RGS3: variants seen among roughly 807,000 people sequenced by gnomAD.
RGS3 encodes regulator of G-protein signalling 3.
In RGS3, 80 loss-of-function variants were observed where a neutral mutation model predicts 132.6. That is an observed-to-expected ratio of 0.60 (90% CI 0.50 to 0.73). The LOEUF (loss-of-function observed/expected upper bound fraction) is 0.73, where lower values mean the gene tolerates loss of function less well. RGS3 is among the 30% of genes least tolerant of loss of function. The probability of loss-of-function intolerance (pLI) is 0.00; values close to 1 mark genes in which losing one functional copy is unlikely to be tolerated. For missense variants in RGS3, 1,382 were observed against 1,530.8 expected, an observed-to-expected ratio of 0.90 and a Z score of 1.62; for synonymous variants, 598 against 620.6, an observed-to-expected ratio of 0.96 and a Z score of 0.54.
chr9:113,466,625 T>A (rs1002352002), intron 3 of RGS3, among the ~76,000 whole-genome samples: 1 of 152,084 alleles, frequency 6.6e-6, no homozygotes, highest in African/African-American at 2.4e-5. Context: ...TTGTGAAAAA[T>A]GATGTAATTT....
intron 19 of RGS3, chr9:113,581,016 GGGCCAGGGGGTGGGTCGGGGGGAGGTCT>G (rs1316155411): frequency 6.1e-6 from 6 of 981,562 alleles, no homozygotes; most frequent in Non-Finnish European, 6.0e-6. Flanking sequence ...GCAGGTGGCT[GGGCCAGGGGGTGGGTCGGGGGGAGGTCT>G]GGCCATGTGG....
Position 113,553,459 on chromosome 9 carries a change from A to AAAAAAATATATAT in RGS3, c.2037+16542_2037+16543insAAAAATATATATA, listed in dbSNP as rs1426114805. Among the ~76,000 whole-genome samples the AAAAAAATATATAT allele has an allele frequency of 6.5e-4, 38 of 58,684 alleles. 1 individual carries two copies. The highest frequency in any genetic ancestry group is 1.6e-3 in the Admixed American group (6 of 3,642). 38.5% of individuals were successfully genotyped at this position (58,684 alleles called of 152,430 possible). On this transcript the variant is annotated intron_variant, in intron 19 of 24. Transcript: ENST00000350696. Reference sequence around the variant, plus strand: ...CTCTGTTTAAAAAAAAAAAAAAAAAAATATATATATATATATATATATATA... The same window carrying AAAAAAATATATAT: ...CTCTGTTTAAAAAAAAAAAAAAAAAAAAAAAATATATATATATATATATATATATATATATATA...
chr9:113,488,941 C>T (rs1830422727), intron 7 of RGS3, among the ~76,000 whole-genome samples: 1 of 152,214 alleles, frequency 6.6e-6, no homozygotes, highest in Admixed American at 6.5e-5. Flanking sequence ...GCTCTCAAAT[C>T]AAATTGTGCC....
chr9:113,459,858 G>C (rs1331862645), upstream of RGS3, among the ~76,000 whole-genome samples: 1 of 151,976 alleles, frequency 6.6e-6, no homozygotes, highest in Non-Finnish European at 1.5e-5. Context: ...GGCTAACATG[G>C]TGAAACCACC....
chr9:113,596,642 T>C, intron 24 of RGS3, 126 bp from the exon 23 acceptor site: 1 of 740,108 alleles, frequency 1.4e-6, no homozygotes, highest in Non-Finnish European at 2.1e-6. Context: ...CTACTTCAGA[T>C]GAACCTTAAG....
chr9:113,543,835 C>T (rs1404661839), intron 19 of RGS3, among the ~76,000 whole-genome samples: 2 of 152,208 alleles, frequency 1.3e-5, no homozygotes, highest in Non-Finnish European at 2.9e-5. Context: ...ACATCAGGGT[C>T]CCAGGTCCGG....
chr9:113,452,321 A>G (rs543622133), intron 1 of RGS3, among the ~76,000 whole-genome samples: 50 of 151,908 alleles, frequency 3.3e-4, no homozygotes, highest in Non-Finnish European at 3.2e-4. Flanking sequence ...TTCTTTCAAT[A>G]CATTAAAGAT....
intron 3 of RGS3, among the ~76,000 whole-genome samples, chr9:113,477,473 G>A (rs920267009): frequency 1.3e-5 from 2 of 152,178 alleles, no homozygotes; most frequent in Non-Finnish European, 2.9e-5. Flanking sequence ...GTGGACTTAT[G>A]CAGAGTTAGG....
intron 18 of RGS3, among the ~76,000 whole-genome samples, chr9:113,533,366 G>A (rs1435658407): frequency 6.6e-6 from 1 of 152,038 alleles, no homozygotes; most frequent in African/African-American, 2.4e-5. Context: ...AAGTAGCTGG[G>A]ATTACAGGTG....
At chr9:113,513,295 T>TCC (rs199930211) in intron 14 of RGS3, among the ~76,000 whole-genome samples, 1 of 151,732 alleles carries the variant, frequency 6.6e-6, no homozygotes, top group Admixed American at 6.5e-5. Context: ...GAGGGACCCC[T>TCC]CCCCCCACAC....
chr9:113,451,751 G>T (rs1829250923), intron 1 of RGS3, among the ~76,000 whole-genome samples: 1 of 151,470 alleles, frequency 6.6e-6, no homozygotes, highest in South Asian at 2.1e-4. Context: ...TAAATAATAA[G>T]AAAAGCTATT....
chr9:113,587,757 C>T (rs1282104555), intron 20 of RGS3, among the ~76,000 whole-genome samples: 1 of 152,180 alleles, frequency 6.6e-6, no homozygotes. Flanking sequence ...ATAGTCTGCT[C>T]GACCATGGTG....
intron 19 of RGS3, chr9:113,581,324 G>A (rs1438260843): frequency 6.6e-6 from 1 of 152,314 alleles, no homozygotes; most frequent in East Asian, 1.9e-4. Flanking sequence ...CCAATGGAGG[G>A]TCTTTCTGTC....
At position 113,507,716 on chromosome 9, in the gene RGS3, T is replaced by C. The variant is rs902904315; in HGVS notation, c.1437+78T>C. 2.5e-6 allele frequency: 3 copies of C among 1,210,470 alleles called. No individual in the cohort carries two copies. In the African/African-American group the frequency reaches 4.6e-5, roughly 19 times the overall value. The allele number at this position is 1,210,470 out of a possible 1,614,324, so 75.0% of individuals were successfully genotyped here. On this transcript the variant is annotated intron_variant, in intron 13 of 24. Coordinates refer to ENST00000350696, the Ensembl canonical transcript of RGS3. This position sits in a 1 kb window ranked among gnomAD's most constrained non-coding sequence, Gnocchi z 5.0. ...CCAGGAAGACTTGAAGACCCAAAGT[T>C]GTGTGATGAGCAGCCTGTGAGGGGC...
chr9:113,501,088 C>T (rs552453979), intron 10 of RGS3, among the ~76,000 whole-genome samples: 1 of 152,084 alleles, frequency 6.6e-6, no homozygotes, highest in East Asian at 1.9e-4. Context: ...TGAGTGCAAA[C>T]CCCCCCAAGG....
intron 19 of RGS3, among the ~76,000 whole-genome samples, chr9:113,555,496 C>T (rs1227799987): frequency 1.3e-5 from 2 of 151,224 alleles, no homozygotes; most frequent in African/African-American, 2.4e-5. Flanking sequence ...AAGACAGAGT[C>T]TCGCTCTGTC....
chr9:113,527,787 G>A (rs1832280385), intron 17 of RGS3, among the ~76,000 whole-genome samples: 1 of 152,290 alleles, frequency 6.6e-6, no homozygotes, highest in South Asian at 2.1e-4. Context: ...TTATCTTGCT[G>A]TCTTCTCTTT....
At position 113,579,906 on chromosome 9, in the gene RGS3, C is replaced by T. The variant is rs571193723; in HGVS notation, c.2038-3544C>T. 2.0e-5 allele frequency among the ~76,000 whole-genome samples: 3 copies of T among 152,346 alleles called. No homozygotes were observed. The highest frequency in any genetic ancestry group is 1.9e-4 in the East Asian group (1 of 5,184). ...CAGCTCTGCCTGTGGCATTTCGTTG[C>T]TCACAGGGCAAATCCCATGCCCACC... On this transcript the variant is annotated intron_variant, in intron 19 of 24. Transcript: ENST00000350696. The surrounding 1 kb of genome is among the most constrained non-coding windows in gnomAD (Gnocchi z 4.3).
chr9:113,463,624 A>C lies in RGS3; in HGVS notation c.415+1423A>C. 13 of 1,059,568 alleles carry C rather than the reference A, an allele frequency of 1.2e-5. No individual in the cohort carries two copies. The highest frequency in any genetic ancestry group is 9.7e-5 in the East Asian group (2 of 20,720). The allele number at this position is 1,059,568 out of a possible 1,614,324, so 65.6% of individuals were successfully genotyped here. On this transcript the variant is annotated intron_variant, in intron 3 of 24. Coordinates refer to ENST00000350696, the Ensembl canonical transcript of RGS3. The surrounding 1 kb of genome is among the most constrained non-coding windows in gnomAD (Gnocchi z 4.6). ...GCCCAGCTCTGCTCCGGCAGGTGGA[A>C]CTCTCCCCATTCAAACCCGCGCGGG... is the stretch of plus-strand genomic sequence containing the variant.
Sources: gnomAD v4.1 joint callset for allele counts (sites outside exome capture counted in the v4.1 genomes callset) on GRCh38, gnomAD v4.1.1 for gene constraint, Gnocchi (gnomAD v3.1) non-coding constraint, MANE v1.5 for transcripts, NCBI Gene and HGNC (gene_info 2026-07-23, HGNC 2026-07-21) for gene names.